AMHR2: variants seen among roughly 807,000 people sequenced by gnomAD.
The protein encoded by AMHR2 is anti-Mullerian hormone receptor type 2.
In AMHR2, 36 loss-of-function variants were observed where a neutral mutation model predicts 61.4. The observed-to-expected ratio is 0.59, with a 90% confidence interval of 0.45 to 0.77. The LOEUF is 0.77. AMHR2 is among the 30% of genes least tolerant of loss of function. The pLI is 0.00. For missense variants in AMHR2, 638 were observed against 714.6 expected (o/e 0.89, Z 1.22); for synonymous variants, 258 against 279.4 (o/e 0.92, Z 0.76).
Position 53,425,863 on chromosome 12 carries a change from GGGGGT to G in AMHR2, c.797_801del (p.Gly266AlafsTer30), listed in dbSNP as rs777898078. Reference sequence around the variant, plus strand: ...TGTCCGATTTATCACTGCCAGCCGGGGGGGTCCTGGCCGCCTGCTCTCTGGGCCCC... The same window carrying G: ...TGTCCGATTTATCACTGCCAGCCGGGCCTGGCCGCCTGCTCTCTGGGCCCC... On this transcript the variant is annotated frameshift_variant, in exon 6 of 11. Coordinates refer to ENST00000257863, the MANE Select transcript of AMHR2 (RefSeq NM_020547.3). LOFTEE classifies it high-confidence loss of function. The G allele has an allele frequency of 6.2e-7, 1 of 1,614,022 alleles. No individual in the cohort carries two copies. The highest frequency in any genetic ancestry group is 8.5e-7 in the Non-Finnish European group (1 of 1,180,032).
intron 8 of AMHR2, 89 bp from the exon 9 acceptor site, chr12:53,429,742 T>G: frequency 6.2e-7 from 1 of 1,604,162 alleles, no homozygotes; most frequent in Non-Finnish European, 8.5e-7. Context: ...CATTGCTGAG[T>G]CTGTAGTTGG....
In AMHR2 at chr12:53,425,768, C is replaced by G; in HGVS notation, c.701C>G (p.Pro234Arg). 6.2e-7 allele frequency: 1 copy of G among 1,614,194 alleles called. No individual in the cohort carries two copies. Among genetic ancestry groups the G allele is most frequent in the South Asian group, 1.1e-5 (1 of 91,088 alleles). ...GKLVAIKAFP[P>R]RSVAQFQAER... ...CTGGTTGCCATCAAGGCCTTCCCAC[C>G]GAGGTCTGTGGCTCAGTTCCAAGCT... The change falls in exon 6 of 11, where the codon CCG (proline) becomes CGG (arginine). Residue 234 changes from proline to arginine, a missense_variant. By Grantham distance (103) the Pro-to-Arg change is moderately radical. Coordinates refer to ENST00000257863, the MANE Select transcript of AMHR2 (RefSeq NM_020547.3).
intron 10 of AMHR2, chr12:53,430,790 T>C (rs1482428000): frequency 5.5e-6 from 2 of 365,418 alleles, no homozygotes; most frequent in African/African-American, 4.1e-5. Flanking sequence ...ACAAATACTT[T>C]TTTAACAAAA....
intron 10 of AMHR2, 26 bp from the exon 11 acceptor site, chr12:53,431,151 C>T (rs774979909): frequency 1.2e-6 from 2 of 1,613,056 alleles, no homozygotes; most frequent in Non-Finnish European, 1.7e-6. Context: ...CTAGGGTCAA[C>T]CCTTCCTCCC....
rs1939966055 is a variant in AMHR2 at position 53,429,940 on chromosome 12, T to C, written c.1250T>C (p.Leu417Pro). 1 of 1,614,188 alleles carries C rather than the reference T, an allele frequency of 6.2e-7. No homozygotes were observed. The highest frequency in any genetic ancestry group is 8.5e-7 in the Non-Finnish European group (1 of 1,180,024). Residue 417 changes from leucine (L) to proline (P), a missense_variant, in exon 9 of 11, where the codon CTG becomes CCG. Physicochemically the swap from Leu to Pro is moderately conservative, Grantham distance 98 (BLOSUM62 -3). Transcript: ENST00000257863. ...GATATTTACTCTTTGGCTCTGCTCC[T>C]GTGGGAGATACTGAGCCGCTGCCCA... ...RADIYSLALL[L>P]WEILSRCPDL...
Position 53,431,554 on chromosome 12 carries a change from C to T in AMHR2, c.*81C>T, listed in dbSNP as rs1940101487. 1.9e-6 allele frequency: 3 copies of T among 1,556,786 alleles called. No individual in the cohort carries two copies. Among genetic ancestry groups the T allele is most frequent in the Admixed American group, 1.7e-5 (1 of 59,496 alleles). ...AGCTGTCTTGTCTGCCTCATCACTG[C>T]ATTTCCCACCTGCCGAATCCTTGGA... On this transcript the variant is annotated 3_prime_UTR_variant, in exon 11 of 11. Transcript: ENST00000257863.
chr12:53,425,408 G>C, intron 4 of AMHR2, 47 bp from the exon 5 acceptor site: 1 of 1,609,034 alleles, frequency 6.2e-7, no homozygotes, highest in Non-Finnish European at 8.5e-7. Flanking sequence ...CCCTTTTCCT[G>C]TCCCTATGCA....
chr12:53,424,112 A>G (rs1939306501), intron 1 of AMHR2, 129 bp downstream of exon 1: 1 of 1,318,614 alleles, frequency 7.6e-7, no homozygotes, highest in Admixed American at 1.8e-5. Flanking sequence ...GGATAGAGCC[A>G]TGTGTCCCCA....
intron 2 of AMHR2, 114 bp from the exon 3 acceptor site, chr12:53,424,595 A>G: frequency 6.5e-7 from 1 of 1,540,970 alleles, no homozygotes; most frequent in Non-Finnish European, 8.9e-7. Flanking sequence ...AGCCCATGAG[A>G]GCTGGAAGGG....
chr12:53,425,204 T>G lies in AMHR2; in HGVS notation c.464T>G (p.Phe155Cys). Residue 155 changes from phenylalanine (F) to cysteine (C), a missense_variant, in exon 4 of 11, where the codon TTC becomes TGC. Coordinates refer to ENST00000257863, the MANE Select transcript of AMHR2 (RefSeq NM_020547.3). The part of the protein sequence containing the change: ...IWMALVLLGL[F>C]LLLLLLLGSI... ...ATGGCACTGGTGCTGCTGGGGCTGT[T>G]CCTCCTCCTCCTGCTGCTGCTGGGC... 6.2e-7 allele frequency: 1 copy of G among 1,613,668 alleles called. No homozygotes were observed. The highest frequency in any genetic ancestry group is 8.5e-7 in the Non-Finnish European group (1 of 1,179,966).
Position 53,425,520 on chromosome 12 carries a change from G to C in AMHR2, c.568G>C (p.Gly190Arg), listed in dbSNP as rs535466975. 6.8e-6 allele frequency: 11 copies of C among 1,614,096 alleles called. No homozygotes were observed. The highest frequency in any genetic ancestry group is 3.3e-5 in the Admixed American group (2 of 60,026). The change falls in exon 5 of 11, where the codon GGC becomes CGC. Residue 190 changes from glycine (G) to arginine (R), a missense_variant. By Grantham distance (125) the Gly-to-Arg change is moderately radical. Coordinates refer to ENST00000257863, the MANE Select transcript of AMHR2 (RefSeq NM_020547.3). ...EPVPEPRPDSGRDWSVELQEL... is the reference protein window; with the variant it reads ...EPVPEPRPDSRRDWSVELQEL... ...AGTGCCAGAGCCAAGGCCAGACTCA[G>C]GCAGGGACTGGAGTGTGGAGCTGCA...
At chr12:53,425,635 A>G (rs1299598152) in intron 5 of AMHR2, 54 bp from the exon 6 acceptor site, 7 of 1,612,776 alleles carry the variant, frequency 4.3e-6, no homozygotes, top group Non-Finnish European at 5.9e-6. Flanking sequence ...CTGGGGAGGA[A>G]TCCTGGCCCT....
chr12:53,430,493 C>G (rs1940019561), intron 10 of AMHR2: 1 of 702,414 alleles, frequency 1.4e-6, no homozygotes, highest in Non-Finnish European at 2.4e-6. Context: ...TTCCATCTAC[C>G]TGAGACACAC....
chr12:53,424,768 G>C lies in AMHR2; in HGVS notation c.292G>C (p.Ala98Pro). ...CCTCCACTGTGACCCAAGTCCCCGA[G>C]CCCACCCCAGCCCTGGCTCCACTCT... ...ESLHCDPSPR[A>P]HPSPGSTLFT... Residue 98 changes from alanine (A) to proline (P), a missense_variant, in exon 3 of 11, where the codon GCC becomes CCC. Transcript: ENST00000257863. 6.2e-7 allele frequency: 1 copy of C among 1,613,800 alleles called. No homozygotes were observed. The highest frequency in any genetic ancestry group is 8.5e-7 in the Non-Finnish European group (1 of 1,179,912).
Position 53,423,912 on chromosome 12 carries a change from T to C in AMHR2, c.-23T>C, listed in dbSNP as rs1565828621. 3.1e-6 allele frequency: 5 copies of C among 1,613,970 alleles called. No homozygotes were observed. The East Asian group carries it at 6.7e-5, about 22-fold the overall frequency. Reference sequence around the variant, plus strand: ...GTGCTGGCTTATGCTCTTCTCCTTCTGCTGCTGCCATCCTCCAGCAAGATG... The same window carrying C: ...GTGCTGGCTTATGCTCTTCTCCTTCCGCTGCTGCCATCCTCCAGCAAGATG... On this transcript the variant is annotated 5_prime_UTR_variant, in exon 1 of 11. Coordinates refer to ENST00000257863, the MANE Select transcript of AMHR2 (RefSeq NM_020547.3).
At chr12:53,430,422 C>T (rs1157193906) in intron 10 of AMHR2, 140 bp downstream of exon 10, 2 of 1,339,176 alleles carry the variant, frequency 1.5e-6, no homozygotes, top group Non-Finnish European at 2.1e-6. Context: ...TCAGCTGGAA[C>T]TGGGCAAGCC....
chr12:53,428,431 GC>G (rs1939804149), intron 6 of AMHR2, among the ~76,000 whole-genome samples: 1 of 152,154 alleles, frequency 6.6e-6, no homozygotes, highest in Non-Finnish European at 1.5e-5. Flanking sequence ...AGCTTGCCCT[GC>G]CTCCTCTGTT....
rs114182001 is a variant in AMHR2, at chr12:53,425,484, C to T, written c.532C>T (p.Arg178Ter). The change falls in exon 5 of 11, where the codon CGA (arginine) becomes TGA (stop). Residue 178 changes from arginine to a stop codon, truncating the protein, a stop_gained. Transcript: ENST00000257863. LOFTEE classifies it high-confidence loss of function. ...GCTACAGCGAAAGAACTACAGAGTG[C>T]GAGGTGAGCCAGTGCCAGAGCCAAG... ...ALLQRKNYRV[R>*]GEPVPEPRPD... The T allele has an allele frequency of 3.8e-5, 61 of 1,613,968 alleles. No homozygotes were observed. Among genetic ancestry groups the T allele is most frequent in the Non-Finnish European group, 4.6e-5 (54 of 1,180,028 alleles).
At position 53,425,496 on chromosome 12, in the gene AMHR2, G is replaced by C; in HGVS notation, c.544G>C (p.Val182Leu). Residue 182 changes from valine (V) to leucine (L), a missense_variant, in exon 5 of 11, where the codon GTG (valine) becomes CTG (leucine). Physicochemically the swap from Val to Leu is conservative, Grantham distance 32. Coordinates refer to ENST00000257863, the MANE Select transcript of AMHR2 (RefSeq NM_020547.3). ...RKNYRVRGEP[V>L]PEPRPDSGRD... The stretch of plus-strand genomic sequence containing the variant: ...GAACTACAGAGTGCGAGGTGAGCCA[G>C]TGCCAGAGCCAAGGCCAGACTCAGG... The C allele has an allele frequency of 3.7e-6, 6 of 1,614,068 alleles. No homozygotes were observed. Among genetic ancestry groups the C allele is most frequent in the Non-Finnish European group, 5.1e-6 (6 of 1,180,028 alleles).
Sources: allele counts gnomAD v4.1 joint callset (sites outside exome capture counted in the v4.1 genomes callset), GRCh38; gene constraint gnomAD v4.1.1; transcripts MANE v1.5; gene names NCBI Gene and HGNC (gene_info 2026-07-23, HGNC 2026-07-21).